Variants in WWOX observed in about 807,000 individuals in gnomAD.
The protein encoded by WWOX is WW domain-containing oxidoreductase.
WWOX carries 69 observed loss-of-function variants against 46.2 expected under a neutral mutation model. The ratio of observed to expected loss-of-function variants is 1.49; its 90% CI spans 1.23 to 1.82. The LOEUF (loss-of-function observed/expected upper bound fraction) is 1.82. Ranked by LOEUF, WWOX falls within the 40% of genes most tolerant of loss-of-function variation. The probability of loss-of-function intolerance (pLI) is 0.00; values close to 1 mark genes in which losing one functional copy is unlikely to be tolerated. For synonymous variants in WWOX, 359 were observed against 202.6 expected (o/e 1.77, Z -6.56); for missense variants, 919 against 542.6 (o/e 1.69, Z -6.89).
intron 8 of WWOX, among the ~76,000 whole-genome samples, chr16:78,653,251 T>C (rs924395431): frequency 2.6e-5 from 4 of 152,258 alleles, no homozygotes; most frequent in Non-Finnish European, 5.9e-5. Flanking sequence ...GAATTGTATT[T>C]TATGTAACCA....
intron 8 of WWOX, among the ~76,000 whole-genome samples, chr16:78,981,482 G>A (rs1350513302): frequency 6.6e-6 from 1 of 151,690 alleles, no homozygotes; most frequent in African/African-American, 2.4e-5. Flanking sequence ...CTGTCATCCA[G>A]GCTGGCATGC....
chr16:78,537,881 C>A (rs962713257), intron 8 of WWOX, among the ~76,000 whole-genome samples: 1 of 152,140 alleles, frequency 6.6e-6, no homozygotes, highest in African/African-American at 2.4e-5. Context: ...TCGGCCTTCT[C>A]CGGAAGGTTG....
chr16:78,944,609 C>G (rs1372069603), intron 8 of WWOX, among the ~76,000 whole-genome samples: 1 of 152,166 alleles, frequency 6.6e-6, no homozygotes, highest in Non-Finnish European at 1.5e-5. Context: ...TCCCAAAGAT[C>G]ATACTGGGAT....
At chr16:78,628,417 T>A (rs888296746) in intron 8 of WWOX, among the ~76,000 whole-genome samples, 1 of 152,172 alleles carries the variant, frequency 6.6e-6, no homozygotes, top group Non-Finnish European at 1.5e-5. Context: ...GGTTGGGGGA[T>A]TGTGGGTGCC....
At chr16:78,649,712 T>G (rs1226027772) in intron 8 of WWOX, among the ~76,000 whole-genome samples, 1 of 152,266 alleles carries the variant, frequency 6.6e-6, no homozygotes, top group South Asian at 2.1e-4. Flanking sequence ...ACTGTTGTTA[T>G]GTTATTATTT....
intron 8 of WWOX, among the ~76,000 whole-genome samples, chr16:78,995,886 A>G (rs2046978902): frequency 6.6e-6 from 1 of 152,186 alleles, no homozygotes; most frequent in African/African-American, 2.4e-5. Flanking sequence ...GTGATCTTAA[A>G]TGGGATCATT....
chr16:78,250,844 A>T (rs1187627956), intron 5 of WWOX, among the ~76,000 whole-genome samples: 1 of 152,086 alleles, frequency 6.6e-6, no homozygotes, highest in Non-Finnish European at 1.5e-5. Context: ...TCACACCTTC[A>T]CTTAACACCC....
intron 8 of WWOX, among the ~76,000 whole-genome samples, chr16:78,575,054 T>TATATATATATATATATAA (rs2044836310): frequency 6.5e-5 from 1 of 15,462 alleles, no homozygotes; most frequent in Non-Finnish European, 1.3e-4. Context: ...TATATATATA[T>TATATATATATATATATAA]ATATATATAT....
intron 8 of WWOX, among the ~76,000 whole-genome samples, chr16:78,793,359 C>A (rs1028849617): frequency 6.6e-6 from 1 of 152,188 alleles, no homozygotes; most frequent in African/African-American, 2.4e-5. Flanking sequence ...CCATGCCAGG[C>A]CCCTGCCTCT....
At chr16:78,547,020 T>C (rs2044049657) in intron 8 of WWOX, among the ~76,000 whole-genome samples, 1 of 149,172 alleles carries the variant, frequency 6.7e-6, no homozygotes, top group African/African-American at 2.5e-5. Flanking sequence ...CCCAGCTACT[T>C]GGGAGGCTGA....
At chr16:78,428,834 T>G (rs911574368) in intron 7 of WWOX, among the ~76,000 whole-genome samples, 3 of 152,138 alleles carry the variant, frequency 2.0e-5, no homozygotes, top group South Asian at 4.1e-4. Flanking sequence ...AAGCAAGACC[T>G]TGTCTCTAAA....
chr16:78,312,166 A>C (rs767978289), intron 5 of WWOX, among the ~76,000 whole-genome samples: 1 of 152,178 alleles, frequency 6.6e-6, no homozygotes, highest in African/African-American at 2.4e-5. Context: ...ATCAAGGGTC[A>C]CTTTAAGGTC....
chr16:78,759,670 T>C (rs1358239182), intron 8 of WWOX, among the ~76,000 whole-genome samples: 1 of 152,216 alleles, frequency 6.6e-6, no homozygotes, highest in Non-Finnish European at 1.5e-5. Flanking sequence ...GAAGCAGGGC[T>C]GGAATTTGAA....
intron 8 of WWOX, among the ~76,000 whole-genome samples, chr16:78,540,988 C>G (rs1228001241): frequency 2.0e-5 from 3 of 152,000 alleles, no homozygotes; most frequent in Non-Finnish European, 4.4e-5. Flanking sequence ...AATTAGGTCC[C>G]CCACTATTAA....
intron 8 of WWOX, among the ~76,000 whole-genome samples, chr16:78,507,993 CGTGCGTGTGTGT>C (rs1267003236): frequency 3.2e-4 from 47 of 145,528 alleles, no homozygotes; most frequent in East Asian, 7.9e-4. Flanking sequence ...TTTTTGGTTG[CGTGCGTGTGTGT>C]GTGTGTGTGT....
At chr16:78,214,673 G>T (rs777713401) in intron 5 of WWOX, among the ~76,000 whole-genome samples, 1 of 152,154 alleles carries the variant, frequency 6.6e-6, no homozygotes, top group Non-Finnish European at 1.5e-5. Context: ...GCAAGGCAAG[G>T]CCTTTCTTTC....
At chr16:78,676,310 C>A (rs1410507211) in intron 8 of WWOX, among the ~76,000 whole-genome samples, 1 of 151,960 alleles carries the variant, frequency 6.6e-6, no homozygotes, top group South Asian at 2.1e-4. Context: ...GGGTCTCAGA[C>A]TTTGTCCCCT....
chr16:78,756,005 A>C (rs1327213187), intron 8 of WWOX, among the ~76,000 whole-genome samples: 2 of 152,204 alleles, frequency 1.3e-5, no homozygotes, highest in African/African-American at 4.8e-5. Flanking sequence ...TGTATGACCA[A>C]GTCTCTTGGA....
At chr16:78,477,640 G>A (rs1444814166) in intron 8 of WWOX, among the ~76,000 whole-genome samples, 5 of 152,036 alleles carry the variant, frequency 3.3e-5, no homozygotes, top group African/African-American at 1.2e-4. Flanking sequence ...ATAATTAATA[G>A]TGAAATCATA....
Sources: gnomAD v4.1 joint callset for allele counts (sites outside exome capture counted in the v4.1 genomes callset) on GRCh38, gnomAD v4.1.1 for gene constraint, MANE v1.5 for transcripts, NCBI Gene and HGNC (gene_info 2026-07-23, HGNC 2026-07-21) for gene names.